The following ZNF804A variants were observed in gnomAD, a reference collection of about 807,000 sequenced individuals.
ZNF804A encodes zinc finger protein 804A.
Under a neutral mutation model 16.5 loss-of-function variants are expected in ZNF804A, and 2 were observed. The observed-to-expected ratio is 0.12, with a 90% CI of 0.05 to 0.38. The LOEUF (loss-of-function observed/expected upper bound fraction) is 0.38. Ranked by LOEUF, ZNF804A falls within the 10% of genes least tolerant of loss-of-function variation. The pLI, the probability that ZNF804A is intolerant of heterozygous loss-of-function variation, is 0.99. For missense variants in ZNF804A, 1,473 were observed against 1,390.7 expected (o/e 1.06, Z -0.94); for synonymous variants, 534 against 489.6 (o/e 1.09, Z -1.20).
chr2:184,635,860 T>C (rs1436431101), intron 1 of ZNF804A, among the ~76,000 whole-genome samples: 3 of 152,164 alleles, frequency 2.0e-5, no homozygotes, highest in Non-Finnish European at 4.4e-5. Flanking sequence ...TAGATAATGA[T>C]ATGTTAAGGA....
chr2:184,694,446 T>G (rs913894565), intron 1 of ZNF804A, among the ~76,000 whole-genome samples: 1 of 152,198 alleles, frequency 6.6e-6, no homozygotes, highest in African/African-American at 2.4e-5. Flanking sequence ...GCTTTCATAT[T>G]CTTAATACTT....
chr2:184,761,613 T>C (rs1444154455), intron 1 of ZNF804A, among the ~76,000 whole-genome samples: 1 of 152,138 alleles, frequency 6.6e-6, no homozygotes, highest in Non-Finnish European at 1.5e-5. Context: ...TGCCAGTCAC[T>C]GTGCAATGGA....
Position 184,937,298 on chromosome 2 carries a change from A to T in ZNF804A, c.1902A>T (p.Leu634=). 1 of 1,614,018 alleles carries T rather than the reference A, an allele frequency of 6.2e-7. No homozygotes were observed. The highest frequency in any genetic ancestry group is 1.3e-5 in the African/African-American group (1 of 75,062). Residue 634 remains leucine, a synonymous_variant, in exon 4 of 4, where the codon CTA becomes CTT. Transcript: ENST00000302277. ...NSYTENAGKY[L]LEPISEKQYL... is the part of the protein sequence containing the mutation. ...ACACTGAAAATGCTGGGAAATATCT[A>T]TTGGAACCAATTTCAGAAAAGCAGT... is the stretch of plus-strand genomic sequence containing the variant.
chr2:184,895,237 TGAGA>T (rs369592189), intron 2 of ZNF804A, among the ~76,000 whole-genome samples: 122 of 150,164 alleles, frequency 8.1e-4, no homozygotes, highest in Admixed American at 1.2e-3. Flanking sequence ...TGTGTGTGTG[TGAGA>T]GAGAGAGAGA....
intron 1 of ZNF804A, among the ~76,000 whole-genome samples, chr2:184,784,125 A>T (rs1694412410): frequency 6.6e-6 from 1 of 151,946 alleles, no homozygotes; most frequent in Non-Finnish European, 1.5e-5. Flanking sequence ...AAAGGTGCTC[A>T]TGAATCACTG....
intron 2 of ZNF804A, among the ~76,000 whole-genome samples, chr2:184,873,302 A>G (rs1322377081): frequency 2.0e-5 from 3 of 152,164 alleles, no homozygotes; most frequent in East Asian, 3.9e-4. Flanking sequence ...AGCCTGGGCA[A>G]TATAGTAACA....
intron 1 of ZNF804A, among the ~76,000 whole-genome samples, chr2:184,818,369 G>T (rs1267869694): frequency 6.6e-6 from 1 of 151,932 alleles, no homozygotes; most frequent in African/African-American, 2.4e-5. Flanking sequence ...GAGGGAATTT[G>T]TCACCACCAG....
At chr2:184,613,475 A>T (rs1446568682) in intron 1 of ZNF804A, among the ~76,000 whole-genome samples, 1 of 152,190 alleles carries the variant, frequency 6.6e-6, no homozygotes, top group Non-Finnish European at 1.5e-5. Context: ...TGGCCGACCA[A>T]TATAATACCA....
At chr2:184,788,196 A>G (rs780102991) in intron 1 of ZNF804A, among the ~76,000 whole-genome samples, 10 of 151,980 alleles carry the variant, frequency 6.6e-5, no homozygotes, top group Admixed American at 1.3e-4. Context: ...CCAATGATCT[A>G]TGTGTCTATT....
At chr2:184,753,649 A>C (rs1329697297) in intron 1 of ZNF804A, among the ~76,000 whole-genome samples, 1 of 151,754 alleles carries the variant, frequency 6.6e-6, no homozygotes, top group East Asian at 1.9e-4. Flanking sequence ...TGGATTATTC[A>C]CATGATAACT....
At chr2:184,652,274 C>A (rs1205158103) in intron 1 of ZNF804A, among the ~76,000 whole-genome samples, 1 of 151,808 alleles carries the variant, frequency 6.6e-6, no homozygotes, top group East Asian at 2.0e-4. Flanking sequence ...CAATAGAAAC[C>A]AGGAACCACT....
chr2:184,772,588 G>T (rs575922389), intron 1 of ZNF804A, among the ~76,000 whole-genome samples: 1 of 151,844 alleles, frequency 6.6e-6, no homozygotes, highest in South Asian at 2.1e-4. Flanking sequence ...GACCGTTTGT[G>T]TACAAGTTTT....
intron 1 of ZNF804A, among the ~76,000 whole-genome samples, chr2:184,732,911 C>G (rs574839499): frequency 2.6e-5 from 4 of 152,164 alleles, no homozygotes; most frequent in African/African-American, 9.6e-5. Flanking sequence ...CTATTAGTCC[C>G]AGGTCTGTTG....
At chr2:184,615,920 G>T (rs1311714390) in intron 1 of ZNF804A, among the ~76,000 whole-genome samples, 2 of 152,140 alleles carry the variant, frequency 1.3e-5, no homozygotes, top group Non-Finnish European at 2.9e-5. Flanking sequence ...TGGGCCTGAA[G>T]ATCCAGCTAT....
intron 2 of ZNF804A, among the ~76,000 whole-genome samples, chr2:184,871,711 T>C (rs1695979764): frequency 1.3e-5 from 2 of 151,958 alleles, no homozygotes; most frequent in African/African-American, 4.8e-5. Context: ...TGTAGAAATG[T>C]CCTAAAAGCA....
chr2:184,688,143 A>G (rs1365429427), intron 1 of ZNF804A, among the ~76,000 whole-genome samples: 1 of 152,080 alleles, frequency 6.6e-6, no homozygotes, highest in Non-Finnish European at 1.5e-5. Context: ...AACAAAACAG[A>G]ACAATTTTAT....
At chr2:184,620,947 A>G (rs1012794912) in intron 1 of ZNF804A, among the ~76,000 whole-genome samples, 3 of 151,696 alleles carry the variant, frequency 2.0e-5, no homozygotes, top group African/African-American at 4.8e-5. Flanking sequence ...TGGATTTTTA[A>G]TAGCATTTAT....
At chr2:184,782,412 T>C (rs898347453) in intron 1 of ZNF804A, among the ~76,000 whole-genome samples, 10 of 151,308 alleles carry the variant, frequency 6.6e-5, no homozygotes, top group African/African-American at 2.4e-4. Context: ...GCTGCCAGCA[T>C]GGCTAGAATA....
chr2:184,629,873 G>T (rs778438653), intron 1 of ZNF804A, among the ~76,000 whole-genome samples: 4 of 152,114 alleles, frequency 2.6e-5, no homozygotes, highest in Non-Finnish European at 4.4e-5. Flanking sequence ...TCTGGCATTA[G>T]GCTGAGTGCT....
Sources: gnomAD v4.1 joint callset for allele counts (sites outside exome capture counted in the v4.1 genomes callset) on GRCh38, gnomAD v4.1.1 for gene constraint, MANE v1.5 for transcripts, NCBI Gene and HGNC (gene_info 2026-07-23, HGNC 2026-07-21) for gene names.